Variants in LRRK2 observed in about 807,000 individuals in gnomAD.
LRRK2 encodes leucine rich repeat kinase 2.
Under a neutral mutation model 302.6 loss-of-function variants are expected in LRRK2, and 203 were observed. The ratio of observed to expected loss-of-function variants is 0.67; its 90% CI spans 0.60 to 0.75. The LOEUF (loss-of-function observed/expected upper bound fraction) is 0.75, where lower values mean the gene tolerates loss of function less well. LRRK2 is among the 30% of genes least tolerant of loss of function. LRRK2 has a pLI of 0.00. For missense variants in LRRK2, 2,830 were observed against 2,951.0 expected (o/e 0.96, Z 0.95); for synonymous variants, 1,066 against 1,031.9 (o/e 1.03, Z -0.63).
chr12:40,351,115 A>C (rs1476607724), intron 43 of LRRK2, among the ~76,000 whole-genome samples: 1 of 152,146 alleles, frequency 6.6e-6, no homozygotes, highest in African/African-American at 2.4e-5. Flanking sequence ...TCTAGAGATG[A>C]CTTCTAAATT....
At chr12:40,299,316 C>A in intron 25 of LRRK2, 59 bp downstream of exon 25, 2 of 1,542,174 alleles carry the variant, frequency 1.3e-6, no homozygotes, top group Non-Finnish European at 1.8e-6. Context: ...CAAGATGAGT[C>A]ATATATGGAC....
intron 44 of LRRK2, among the ~76,000 whole-genome samples, chr12:40,352,012 G>A (rs1020081602): frequency 1.3e-5 from 2 of 152,186 alleles, no homozygotes; most frequent in African/African-American, 4.8e-5. Context: ...AAAGGGCAGA[G>A]GAAAAAGCTC....
intron 23 of LRRK2, among the ~76,000 whole-genome samples, chr12:40,297,959 C>T (rs1022729083): frequency 6.6e-6 from 1 of 151,942 alleles, no homozygotes; most frequent in Non-Finnish European, 1.5e-5. Context: ...CCATTTTGCT[C>T]TTTCTGGAAA....
chr12:40,245,254 CT>C (rs1326296929), intron 7 of LRRK2, among the ~76,000 whole-genome samples: 1 of 151,938 alleles, frequency 6.6e-6, no homozygotes, highest in Non-Finnish European at 1.5e-5. Flanking sequence ...AATTCCCCCT[CT>C]TTTTTTCAGT....
intron 44 of LRRK2, among the ~76,000 whole-genome samples, chr12:40,353,210 C>A (rs1314747928): frequency 6.9e-6 from 1 of 144,594 alleles, no homozygotes; most frequent in Non-Finnish European, 1.5e-5. Context: ...GGCGGAGGGG[C>A]TCCTCACTTC....
intron 25 of LRRK2, 72 bp from the exon 26 acceptor site, chr12:40,302,717 G>A: frequency 9.4e-7 from 1 of 1,062,638 alleles, no homozygotes; most frequent in Admixed American, 1.7e-5. Flanking sequence ...ATTGGTAGCT[G>A]TTCTTATTTT....
intron 47 of LRRK2, among the ~76,000 whole-genome samples, chr12:40,361,257 C>T (rs554455621): frequency 6.6e-6 from 1 of 151,946 alleles, no homozygotes; most frequent in Non-Finnish European, 1.5e-5. Context: ...TATTTATTTA[C>T]TAGTATGTGG....
At chr12:40,335,909 C>A (rs1945854056) in intron 40 of LRRK2, among the ~76,000 whole-genome samples, 1 of 152,130 alleles carries the variant, frequency 6.6e-6, no homozygotes, top group Non-Finnish European at 1.5e-5. Context: ...CACAGCTAAT[C>A]CTTCAGCAAA....
chr12:40,346,166 G>T (rs932885549), intron 41 of LRRK2, among the ~76,000 whole-genome samples: 1 of 150,596 alleles, frequency 6.6e-6, no homozygotes, highest in Non-Finnish European at 1.5e-5. Flanking sequence ...AGAATTTCAG[G>T]CATGAACCCA....
chr12:40,245,855 T>G (rs185018602), intron 7 of LRRK2, among the ~76,000 whole-genome samples: 1 of 152,136 alleles, frequency 6.6e-6, no homozygotes, highest in East Asian at 1.9e-4. Context: ...TGTTTCTAAA[T>G]GCACTTAAGT....
chr12:40,295,775 T>A, intron 23 of LRRK2, 131 bp downstream of exon 23: 1 of 846,718 alleles, frequency 1.2e-6, no homozygotes, highest in Non-Finnish European at 1.8e-6. Flanking sequence ...CCCCCGTGCC[T>A]CTGGTTTTTG....
chr12:40,343,209 G>A (rs997060203), intron 41 of LRRK2, among the ~76,000 whole-genome samples: 4 of 151,958 alleles, frequency 2.6e-5, no homozygotes, highest in Non-Finnish European at 2.9e-5. Flanking sequence ...AGATAATTAT[G>A]GTTTGGATAT....
intron 19 of LRRK2, chr12:40,286,671 A>G (rs1217091833): frequency 6.5e-6 from 1 of 152,754 alleles, no homozygotes; most frequent in Admixed American, 6.5e-5. Flanking sequence ...CAGCAGTATC[A>G]TGTAGTAATA....
chr12:40,347,029 T>A lies in LRRK2; in HGVS notation c.6280+106T>A, dbSNP rs1946208709. 3.3e-6 allele frequency: 3 copies of A among 904,724 alleles called. No homozygotes were observed. The African/African-American group carries it at 5.1e-5, about 15-fold the overall frequency. 56.0% of individuals were successfully genotyped at this position (904,724 alleles called of 1,614,324 possible). ...TTAATTCCTTAAACAGATGATCATT[T>A]TTTTTGTTTAGTGCATAAATATTCT... On this transcript the variant is annotated intron_variant, in intron 42 of 50. Coordinates refer to ENST00000298910, the MANE Select transcript of LRRK2 (RefSeq NM_198578.4).
At chr12:40,225,813 G>A (rs1266631510) in intron 2 of LRRK2, among the ~76,000 whole-genome samples, 173 bp downstream of exon 2, 1 of 152,148 alleles carries the variant, frequency 6.6e-6, no homozygotes. Flanking sequence ...CAATGTAAAC[G>A]GGATGAAGAG....
At chr12:40,254,579 C>G (rs1365249434) in intron 11 of LRRK2, among the ~76,000 whole-genome samples, 1 of 152,156 alleles carries the variant, frequency 6.6e-6, no homozygotes, top group East Asian at 1.9e-4. Flanking sequence ...GTTGGGGCAC[C>G]TTTAGAGTGG....
At chr12:40,353,364 G>C (rs999637935) in intron 44 of LRRK2, among the ~76,000 whole-genome samples, 1 of 151,122 alleles carries the variant, frequency 6.6e-6, no homozygotes, top group African/African-American at 2.4e-5. Context: ...CCGGGCATAG[G>C]CTCTCCTCAC....
In LRRK2 at chr12:40,238,159, G is replaced by A. The variant is rs1020041753; in HGVS notation, c.571+56G>A. On this transcript the variant is annotated intron_variant, in intron 5 of 50. Coordinates refer to ENST00000298910, the MANE Select transcript of LRRK2 (RefSeq NM_198578.4). Reference sequence around the variant, plus strand: ...TATATAAGAAAAAAAGGCTTATACTGGGAAAAGTAGAACACAGTTATAATA... The same window carrying A: ...TATATAAGAAAAAAAGGCTTATACTAGGAAAAGTAGAACACAGTTATAATA... 2.0e-6 allele frequency: 3 copies of A among 1,520,660 alleles called. No homozygotes were observed. The African/African-American group carries it at 4.2e-5, about 21-fold the overall frequency. 94.2% of individuals were successfully genotyped at this position (1,520,660 alleles called of 1,614,324 possible). A position where few individuals can be genotyped will look rare whatever the true frequency, so the allele number is the denominator to read the frequency against.
At chr12:40,325,412 C>T (rs1206044814) in intron 38 of LRRK2, among the ~76,000 whole-genome samples, 1 of 152,206 alleles carries the variant, frequency 6.6e-6, no homozygotes, top group East Asian at 1.9e-4. Context: ...TTACAGAAAG[C>T]AGTCTAGATA....
Sources: gnomAD v4.1 joint callset for allele counts (sites outside exome capture counted in the v4.1 genomes callset) on GRCh38, gnomAD v4.1.1 for gene constraint, MANE v1.5 for transcripts, NCBI Gene and HGNC (gene_info 2026-07-23, HGNC 2026-07-21) for gene names.